Variants in GRIA4 observed in about 807,000 individuals in gnomAD.
GRIA4 encodes the protein glutamate ionotropic receptor AMPA type subunit 4, also known as glutamate receptor 4.
GRIA4 carries 34 observed loss-of-function variants against 104.0 expected under a neutral mutation model. The observed-to-expected ratio is 0.33, with a 90% CI of 0.25 to 0.44. The LOEUF (loss-of-function observed/expected upper bound fraction) is 0.44, where lower values mean the gene tolerates loss of function less well. Among genes scored for constraint, GRIA4 ranks in the 20% least tolerant of loss-of-function variants. GRIA4 has a pLI of 1.00. For missense variants in GRIA4, 750 were observed against 1,096.5 expected (o/e 0.68, Z 4.46); for synonymous variants, 386 against 381.9 (o/e 1.01, Z -0.13).
At chr11:105,851,070 A>G (rs1944790855) in intron 4 of GRIA4, among the ~76,000 whole-genome samples, 1 of 152,210 alleles carries the variant, frequency 6.6e-6, no homozygotes, top group Non-Finnish European at 1.5e-5. Flanking sequence ...AATGAAGATA[A>G]TAAAACTAAC....
intron 3 of GRIA4, among the ~76,000 whole-genome samples, chr11:105,723,511 G>A (rs1332025853): frequency 1.3e-5 from 2 of 152,078 alleles, no homozygotes; most frequent in Non-Finnish European, 2.9e-5. Context: ...AAATTGGAGA[G>A]TTAGGATGTC....
chr11:105,695,891 A>C (rs930927070), intron 3 of GRIA4, among the ~76,000 whole-genome samples: 8 of 152,134 alleles, frequency 5.3e-5, no homozygotes, highest in Admixed American at 4.6e-4. Context: ...ATTGTATACC[A>C]TTGTATTCTA....
chr11:105,937,832 G>A (rs745468192), intron 14 of GRIA4, among the ~76,000 whole-genome samples: 3 of 152,112 alleles, frequency 2.0e-5, no homozygotes, highest in Admixed American at 1.3e-4. Context: ...CAGGGGGTGA[G>A]ACCTGGAAAA....
intron 3 of GRIA4, among the ~76,000 whole-genome samples, chr11:105,708,220 C>T (rs935083993): frequency 2.0e-5 from 3 of 152,108 alleles, no homozygotes; most frequent in South Asian, 2.1e-4. Context: ...TGCTGTCCTT[C>T]GTGTAATAAA....
At chr11:105,838,755 T>C (rs1944282684) in intron 4 of GRIA4, among the ~76,000 whole-genome samples, 1 of 152,176 alleles carries the variant, frequency 6.6e-6, no homozygotes, top group Admixed American at 6.5e-5. Context: ...CTGACACCCA[T>C]TTGACTCTTA....
chr11:105,811,179 T>G (rs565251979), intron 4 of GRIA4, among the ~76,000 whole-genome samples: 1 of 152,130 alleles, frequency 6.6e-6, no homozygotes, highest in African/African-American at 2.4e-5. Flanking sequence ...TGATCAGCTG[T>G]TAAGAGGGCT....
chr11:105,948,606 T>G (rs1219868891), intron 14 of GRIA4, among the ~76,000 whole-genome samples: 1 of 141,748 alleles, frequency 7.1e-6, no homozygotes, highest in African/African-American at 2.6e-5. Context: ...TTTTTTTTTT[T>G]TTTTTTTTTG....
chr11:105,894,370 C>T (rs1331948620), intron 6 of GRIA4, among the ~76,000 whole-genome samples: 1 of 152,114 alleles, frequency 6.6e-6, no homozygotes, highest in African/African-American at 2.4e-5. Flanking sequence ...CCCCCCGAGC[C>T]TGTTTTCATA....
At chr11:105,856,681 C>A (rs7116745) in intron 4 of GRIA4, among the ~76,000 whole-genome samples, 42,067 of 151,872 alleles carry the variant, frequency 0.28, 7,629 homozygotes, top group African/African-American at 0.51. Context: ...AGAGAACCAC[C>A]AACTTACAGA....
rs1318702218 is a variant in GRIA4 at position 105,911,806 on chromosome 11, A to ATATATG, written c.1269+1264_1269+1265insATGTAT. On this transcript the variant is annotated intron_variant, in intron 10 of 16. Transcript: ENST00000282499. Reference sequence around the variant, plus strand: ...TATATATATATATATATATATATATATATGTTTCTTTTCCTAAAAAAGACA... The same window carrying ATATATG: ...TATATATATATATATATATATATATATATATGTATGTTTCTTTTCCTAAAAAAGACA... 5.4e-4 allele frequency: 153 copies of ATATATG among 285,610 alleles called. 2 individuals carry two copies. Among genetic ancestry groups the ATATATG allele is most frequent in the African/African-American group, 3.5e-3 (135 of 38,246 alleles). 17.7% of individuals were successfully genotyped at this position (285,610 alleles called of 1,614,324 possible).
Position 105,979,717 on chromosome 11 carries a change from T to C in GRIA4, c.2687T>C (p.Val896Ala), listed in dbSNP as rs1859181191. The C allele has an allele frequency of 6.2e-7, 1 of 1,613,920 alleles. No individual in the cohort carries two copies. ...TAIRQSSGLA[V>A]IASDLP ...ATCAGACAAAGTTCAGGATTGGCTG[T>C]CATTGCATCGGACCTACCATAAAAA... Residue 896 changes from valine (V) to alanine (A), a missense_variant, in exon 17 of 17, where the codon GTC becomes GCC. By Grantham distance (64) the Val-to-Ala change is moderately conservative. Around this residue, in one of 3 missense-constraint regions of GRIA4, gnomAD observed 68 missense variants for 69.3 expected, o/e 0.98. Coordinates refer to ENST00000282499, the MANE Select transcript of GRIA4 (RefSeq NM_000829.4).
At chr11:105,859,797 G>A (rs907029271) in intron 4 of GRIA4, among the ~76,000 whole-genome samples, 2 of 152,068 alleles carry the variant, frequency 1.3e-5, no homozygotes, top group South Asian at 2.1e-4. Context: ...AAAGTAATAC[G>A]TCAATTGGTA....
At chr11:105,828,269 C>T (rs1011522546) in intron 4 of GRIA4, among the ~76,000 whole-genome samples, 2 of 152,050 alleles carry the variant, frequency 1.3e-5, no homozygotes, top group Non-Finnish European at 2.9e-5. Flanking sequence ...AAAATAAAAC[C>T]TCCAAGACTG....
intron 3 of GRIA4, among the ~76,000 whole-genome samples, chr11:105,682,607 C>T (rs1667028086): frequency 6.6e-6 from 1 of 152,188 alleles, no homozygotes; most frequent in South Asian, 2.1e-4. Context: ...CCTGCTCCTA[C>T]TTACAATTCC....
At chr11:105,702,011 T>C (rs908297569) in intron 3 of GRIA4, among the ~76,000 whole-genome samples, 1 of 152,118 alleles carries the variant, frequency 6.6e-6, no homozygotes, top group Non-Finnish European at 1.5e-5. Flanking sequence ...CATAGCTCAC[T>C]GCAGCTTTGA....
chr11:105,763,305 G>A (rs1293023303), intron 4 of GRIA4, among the ~76,000 whole-genome samples: 9 of 152,124 alleles, frequency 5.9e-5, no homozygotes, highest in Non-Finnish European at 1.5e-5. Context: ...TGGCACGTGG[G>A]ATGGTATGGA....
At chr11:105,888,337 G>C (rs1178152192) in intron 6 of GRIA4, among the ~76,000 whole-genome samples, 1 of 127,670 alleles carries the variant, frequency 7.8e-6, no homozygotes, top group Non-Finnish European at 1.6e-5. Context: ...AGGCTGGAGT[G>C]CAGTGGCGGG....
intron 3 of GRIA4, among the ~76,000 whole-genome samples, chr11:105,634,529 A>AAGAAAGAAAGAAAAG (rs1224797169): frequency 0.027 from 2,407 of 88,082 alleles, 85 homozygotes; most frequent in East Asian, 0.045. Flanking sequence ...AGAAAGAAAG[A>AAGAAAGAAAGAAAAG]AAAGAAAGAA....
intron 13 of GRIA4, among the ~76,000 whole-genome samples, chr11:105,931,245 G>T (rs975121814): frequency 6.9e-6 from 1 of 145,802 alleles, no homozygotes; most frequent in Non-Finnish European, 1.5e-5. Flanking sequence ...GTTGCCAGAA[G>T]TATCCTGTCA....
Sources: allele counts gnomAD v4.1 joint callset (sites outside exome capture counted in the v4.1 genomes callset), GRCh38; gene constraint gnomAD v4.1.1; regional missense constraint gnomAD v4.1.1; transcripts MANE v1.5; gene names NCBI Gene and HGNC (gene_info 2026-07-23, HGNC 2026-07-21).